Variants in MNAT1 observed in about 807,000 individuals in gnomAD.
MNAT1 encodes CDK-activating kinase assembly factor MAT1.
Under a neutral mutation model 42.0 loss-of-function variants are expected in MNAT1, and 43 were observed. The ratio of observed to expected loss-of-function variants is 1.02; its 90% confidence interval spans 0.80 to 1.32. The LOEUF is 1.32. Among genes scored for constraint, MNAT1 ranks in the 40% most tolerant of loss-of-function variants. MNAT1 has a pLI of 0.00. For synonymous variants in MNAT1, 118 were observed against 120.0 expected (o/e 0.98, Z 0.11); for missense variants, 306 against 350.4 (o/e 0.87, Z 1.01).
At chr14:60,789,411 G>A (rs1408023512) in intron 1 of MNAT1, among the ~76,000 whole-genome samples, 4 of 152,134 alleles carry the variant, frequency 2.6e-5, no homozygotes. Context: ...AAACAGAGAC[G>A]TGAAGTAAGC....
At chr14:60,742,587 A>G (rs1896506522) in intron 1 of MNAT1, among the ~76,000 whole-genome samples, 1 of 152,198 alleles carries the variant, frequency 6.6e-6, no homozygotes, top group South Asian at 2.1e-4. Flanking sequence ...GGCTTTTAGT[A>G]TATTCTCAGA....
rs551091278 is a variant in MNAT1 at position 60,743,673 on chromosome 14, G to C, written c.89+8722G>C. 5.3e-5 allele frequency among the ~76,000 whole-genome samples: 8 copies of C among 152,310 alleles called. No individual in the cohort carries two copies. In the South Asian group the frequency reaches 1.4e-3, roughly 28 times the overall value. On this transcript the variant is annotated intron_variant, in intron 1 of 7. Coordinates refer to ENST00000261245, the MANE Select transcript of MNAT1 (RefSeq NM_002431.4). ...AAGAAAGTGTTTTTATTTCACCCTAGTGTTTGAAGGATATTTTTGCTGAAT... is the reference window on the plus strand; with the variant it reads ...AAGAAAGTGTTTTTATTTCACCCTACTGTTTGAAGGATATTTTTGCTGAAT...
chr14:60,740,412 AG>A lies in MNAT1; in HGVS notation c.89+5462del, dbSNP rs1187828338. 6.6e-6 allele frequency among the ~76,000 whole-genome samples: 1 copy of A among 151,866 alleles called. No individual in the cohort carries two copies. Among genetic ancestry groups the A allele is most frequent in the African/African-American group, 2.4e-5 (1 of 41,322 alleles). ...TGTTACTGGATAGTTTATCCTGAAG[AG>A]TCCGAATTTTGCTTATTGCATCTCT... is the stretch of plus-strand genomic sequence containing the variant. On this transcript the variant is annotated intron_variant, in intron 1 of 7. Coordinates refer to ENST00000261245, the MANE Select transcript of MNAT1 (RefSeq NM_002431.4). The surrounding 1 kb of genome is among the most constrained non-coding windows in gnomAD (Gnocchi z 4.1).
At chr14:60,844,093 T>A (rs2033620196) in intron 6 of MNAT1, among the ~76,000 whole-genome samples, 12 of 151,936 alleles carry the variant, frequency 7.9e-5, no homozygotes, top group Admixed American at 7.9e-4. Flanking sequence ...TGACTGCATA[T>A]AAGTTTAGGT....
intron 1 of MNAT1, among the ~76,000 whole-genome samples, chr14:60,774,611 C>G (rs1028840615): frequency 5.3e-5 from 8 of 152,142 alleles, no homozygotes; most frequent in Non-Finnish European, 1.2e-4. Flanking sequence ...GTAAGGAGAA[C>G]AGTTGGGAAA....
chr14:60,879,865 G>T, intron 7 of MNAT1, 30 bp downstream of exon 7: 1 of 1,601,154 alleles, frequency 6.2e-7, no homozygotes, highest in Non-Finnish European at 8.5e-7. Flanking sequence ...TTACATTGAG[G>T]AGCTGATATG....
intron 7 of MNAT1, among the ~76,000 whole-genome samples, chr14:60,952,640 G>A (rs535663807): frequency 7.9e-5 from 12 of 152,230 alleles, no homozygotes; most frequent in East Asian, 3.9e-4. Context: ...CAGACAGAGC[G>A]TTAGGTTTGT....
intron 3 of MNAT1, among the ~76,000 whole-genome samples, chr14:60,802,833 A>G (rs1473165104): frequency 6.6e-6 from 1 of 152,016 alleles, no homozygotes; most frequent in East Asian, 1.9e-4. Flanking sequence ...TGAGAGATAA[A>G]GTGAAAACTT....
In MNAT1 at chr14:60,848,982, T is replaced by G. The variant is rs377438675; in HGVS notation, c.687+30135T>G. Among the ~76,000 whole-genome samples the G allele has an allele frequency of 2.8e-4, 43 of 152,320 alleles. 2 individuals are homozygous for G. The South Asian group carries it at 7.5e-3, about 26-fold the overall frequency. ...GGGCTAGAGTTCCCCACTGAGTATC[T>G]AATTTTGTTGCCTTATTCTTTTAGA... On this transcript the variant is annotated intron_variant, in intron 6 of 7. Coordinates refer to ENST00000261245, the MANE Select transcript of MNAT1 (RefSeq NM_002431.4).
chr14:60,855,140 A>G (rs2033923662), intron 6 of MNAT1, among the ~76,000 whole-genome samples: 1 of 152,186 alleles, frequency 6.6e-6, no homozygotes, highest in South Asian at 2.1e-4. Context: ...CTAAAGCCAC[A>G]GTAATGGCAG....
intron 7 of MNAT1, among the ~76,000 whole-genome samples, chr14:60,888,020 C>T (rs1450029942): frequency 4.7e-5 from 7 of 149,838 alleles, no homozygotes; most frequent in Admixed American, 3.3e-4. Context: ...ACCAGAGGTA[C>T]AAGGAGGAAC....
At position 60,734,847 on chromosome 14, in the gene MNAT1, T is replaced by C. The variant is rs1425701780; in HGVS notation, c.-16T>C. On this transcript the variant is annotated 5_prime_UTR_variant, in exon 1 of 8. Coordinates refer to ENST00000261245, the MANE Select transcript of MNAT1 (RefSeq NM_002431.4). This position sits in a 1 kb window ranked among gnomAD's most constrained non-coding sequence, Gnocchi z 4.3. ...TGAAACAGGCGCCTGCGAGAGTCTG[T>C]AGGAGGGAAACCGCCATGGACGATC... 1 of 1,613,458 alleles carries C rather than the reference T, an allele frequency of 6.2e-7. No individual in the cohort carries two copies. Among genetic ancestry groups the C allele is most frequent in the Non-Finnish European group, 8.5e-7 (1 of 1,179,586 alleles).
intron 6 of MNAT1, among the ~76,000 whole-genome samples, chr14:60,872,835 TACACAC>T (rs200338598): frequency 6.7e-4 from 98 of 146,952 alleles, no homozygotes; most frequent in East Asian, 5.4e-3. Context: ...CACACACACA[TACACAC>T]ACACACACAC....
rs61278549 is a variant in MNAT1 at position 60,746,923 on chromosome 14, TACACACACACACACACACACACACACAC to T, written c.89+12000_89+12027del. Among the ~76,000 whole-genome samples, 117 of 25,798 alleles carry T rather than the reference TACACACACACACACACACACACACACAC, an allele frequency of 4.5e-3. 16 individuals carry two copies. Among genetic ancestry groups the T allele is most frequent in the Non-Finnish European group, 6.4e-3 (99 of 15,530 alleles). The allele number at this position is 25,798 out of a possible 152,430, so 16.9% of individuals were successfully genotyped here. A position where few individuals can be genotyped will look rare whatever the true frequency, so the allele number is the denominator to read the frequency against. On this transcript the variant is annotated intron_variant, in intron 1 of 7. Coordinates refer to ENST00000261245, the MANE Select transcript of MNAT1 (RefSeq NM_002431.4). ...ATATATATATATATATATATATATA[TACACACACACACACACACACACACACAC>T]ACACACACACACACACACACACACA...
chr14:60,879,960 C>A, intron 7 of MNAT1, 125 bp downstream of exon 7: 1 of 1,084,344 alleles, frequency 9.2e-7, no homozygotes, highest in Non-Finnish European at 1.3e-6. Context: ...GAAAAATGAA[C>A]AGTACTCAAT....
chr14:60,926,943 A>G (rs1203859631), intron 7 of MNAT1, among the ~76,000 whole-genome samples: 1 of 152,138 alleles, frequency 6.6e-6, no homozygotes, highest in East Asian at 1.9e-4. Context: ...CCTATTACCC[A>G]GGAAATTCTA....
chr14:60,769,514 G>T (rs550306626), intron 1 of MNAT1, among the ~76,000 whole-genome samples: 69 of 152,070 alleles, frequency 4.5e-4, no homozygotes, highest in African/African-American at 1.6e-3. Context: ...GAACTCCTGG[G>T]CTCAAGTGAG....
intron 6 of MNAT1, among the ~76,000 whole-genome samples, chr14:60,865,993 A>G (rs537853703): frequency 1.3e-5 from 2 of 152,212 alleles, no homozygotes; most frequent in African/African-American, 2.4e-5. Context: ...CATTTCTTCC[A>G]TGAACTCTGC....
chr14:60,941,733 G>A (rs1397111101), intron 7 of MNAT1, among the ~76,000 whole-genome samples: 4 of 149,984 alleles, frequency 2.7e-5, no homozygotes, highest in East Asian at 3.9e-4. Flanking sequence ...GGCCGGGCGC[G>A]GTGGCTCACT....
Sources: gnomAD v4.1 joint callset for allele counts (sites outside exome capture counted in the v4.1 genomes callset) on GRCh38, gnomAD v4.1.1 for gene constraint, Gnocchi (gnomAD v3.1) non-coding constraint, MANE v1.5 for transcripts, NCBI Gene and HGNC (gene_info 2026-07-23, HGNC 2026-07-21) for gene names.